The following PIK3R3 variants were observed in gnomAD, a reference collection of about 807,000 sequenced individuals.
PIK3R3 encodes phosphatidylinositol 3-kinase regulatory subunit gamma.
In PIK3R3, 64 loss-of-function variants were observed where a neutral mutation model predicts 62.9. The ratio of observed to expected loss-of-function variants is 1.02; its 90% CI spans 0.83 to 1.25. The LOEUF (loss-of-function observed/expected upper bound fraction) is 1.25, where lower values mean the gene tolerates loss of function less well. Ranked by LOEUF, PIK3R3 falls within the 50% of genes most tolerant of loss-of-function variation. The probability of loss-of-function intolerance (pLI) is 0.00; values close to 1 mark genes in which losing one functional copy is unlikely to be tolerated. For missense variants in PIK3R3, 614 were observed against 561.6 expected (o/e 1.09, Z -0.94); for synonymous variants, 165 against 189.0 (o/e 0.87, Z 1.04).
At chr1:46,165,269 C>A in the PIK3R3 span, among the ~76,000 whole-genome samples, 1 of 151,776 alleles carries the variant, frequency 6.6e-6, no homozygotes, top group African/African-American at 2.4e-5. Flanking sequence ...CTTAACTCAA[C>A]CCTCACAACA....
At chr1:46,152,655 T>C in the PIK3R3 span, among the ~76,000 whole-genome samples, 2 of 149,102 alleles carry the variant, frequency 1.3e-5, no homozygotes, top group African/African-American at 5.0e-5. Context: ...CTCCGCCTCC[T>C]GGGATCACGC....
At chr1:46,095,941 T>C (rs1301416555) in intron 1 of PIK3R3, among the ~76,000 whole-genome samples, 4 of 152,184 alleles carry the variant, frequency 2.6e-5, no homozygotes, top group Non-Finnish European at 5.9e-5. Flanking sequence ...TAGCAATGAA[T>C]TATATGTATA....
At chr1:46,157,488 C>T in the PIK3R3 span, among the ~76,000 whole-genome samples, 4 of 152,208 alleles carry the variant, frequency 2.6e-5, no homozygotes, top group South Asian at 8.3e-4. Flanking sequence ...TCCAGAGTTC[C>T]CCAAATTATC....
chr1:46,152,980 T>C, the PIK3R3 span, among the ~76,000 whole-genome samples: 1 of 152,194 alleles, frequency 6.6e-6, no homozygotes, highest in Non-Finnish European at 1.5e-5. Flanking sequence ...TTCAATTTTA[T>C]GTGTGTTTAT....
chr1:46,103,972 C>G (rs1367994780), intron 1 of PIK3R3, among the ~76,000 whole-genome samples: 1 of 151,884 alleles, frequency 6.6e-6, no homozygotes, highest in East Asian at 1.9e-4. Flanking sequence ...TTTGCCCAAG[C>G]TGGGGTGAAG....
At chr1:46,136,581 A>G (rs1374313369), upstream of PIK3R3, among the ~76,000 whole-genome samples, 1 of 152,188 alleles carries the variant, frequency 6.6e-6, no homozygotes, top group Non-Finnish European at 1.5e-5. Context: ...AAATTATGAC[A>G]TTATATGAAT....
intron 1 of PIK3R3, among the ~76,000 whole-genome samples, chr1:46,083,870 ACCT>A (rs2149418440): frequency 6.6e-6 from 1 of 152,174 alleles, no homozygotes; most frequent in East Asian, 1.9e-4. Flanking sequence ...AAACAGTCTA[ACCT>A]CCTCAAAAGG....
intron 7 of PIK3R3, among the ~76,000 whole-genome samples, chr1:46,052,918 A>G (rs1647495228): frequency 6.6e-6 from 1 of 152,158 alleles, no homozygotes; most frequent in Non-Finnish European, 1.5e-5. Context: ...ACAGAATTCC[A>G]CCCTATTCCT....
chr1:46,119,243 T>C (rs1307838562), intron 1 of PIK3R3, among the ~76,000 whole-genome samples: 1 of 152,240 alleles, frequency 6.6e-6, no homozygotes, highest in African/African-American at 2.4e-5. Flanking sequence ...ACACTTAGAA[T>C]AGTGCCTGGC....
chr1:46,119,028 T>C (rs923291069), intron 1 of PIK3R3, among the ~76,000 whole-genome samples: 3 of 152,156 alleles, frequency 2.0e-5, no homozygotes, highest in African/African-American at 7.2e-5. Flanking sequence ...TGCTCTCCCA[T>C]TGCTTTAGGT....
intron 6 of PIK3R3, among the ~76,000 whole-genome samples, chr1:46,058,206 G>C (rs1648122054): frequency 1.3e-5 from 2 of 152,254 alleles, no homozygotes; most frequent in Non-Finnish European, 2.9e-5. Flanking sequence ...CAGAAGTCAA[G>C]AATTGGGAAC....
Position 46,061,920 on chromosome 1 carries a change from T to C in PIK3R3, c.764+9A>G, listed in dbSNP as rs763601008. ...CACTGATGCCCTTGGAGGTACTAAG[T>C]AGACTTACCGTTCAATCTCCTTTTC... On this transcript the variant is annotated intron_variant, in intron 6 of 9. Transcript: ENST00000262741. 4 of 1,611,102 alleles carry C rather than the reference T, an allele frequency of 2.5e-6. No individual in the cohort carries two copies. The highest frequency in any genetic ancestry group is 1.3e-5 in the African/African-American group (1 of 74,860).
chr1:46,150,638 T>C, the PIK3R3 span, among the ~76,000 whole-genome samples: 1 of 152,188 alleles, frequency 6.6e-6, no homozygotes, highest in Admixed American at 6.5e-5. Context: ...TTTTTGAATT[T>C]TGGGGAATCC....
At chr1:46,099,548 TA>T (rs1478588854) in intron 1 of PIK3R3, among the ~76,000 whole-genome samples, 4 of 152,222 alleles carry the variant, frequency 2.6e-5, no homozygotes, top group Non-Finnish European at 2.9e-5. Context: ...CATTCTGCAT[TA>T]CATCTTTAGA....
chr1:46,118,539 C>G (rs2149464332), intron 1 of PIK3R3, among the ~76,000 whole-genome samples: 1 of 151,688 alleles, frequency 6.6e-6, no homozygotes, highest in South Asian at 2.1e-4. Flanking sequence ...CCCCACCACC[C>G]ATACCATTAC....
chr1:46,127,858 T>C (rs1474576172), intron 1 of PIK3R3, among the ~76,000 whole-genome samples: 2 of 152,160 alleles, frequency 1.3e-5, no homozygotes, highest in Non-Finnish European at 2.9e-5. Flanking sequence ...CCACCACACC[T>C]AGCCAAAAAT....
chr1:46,094,104 T>C (rs992488069), intron 1 of PIK3R3, among the ~76,000 whole-genome samples: 2 of 150,128 alleles, frequency 1.3e-5, no homozygotes, highest in Non-Finnish European at 3.0e-5. Flanking sequence ...AACGATGTTA[T>C]CAAAGACACA....
At chr1:46,065,637 T>C (rs1648916129) in intron 5 of PIK3R3, among the ~76,000 whole-genome samples, 1 of 152,222 alleles carries the variant, frequency 6.6e-6, no homozygotes, top group Non-Finnish European at 1.5e-5. Flanking sequence ...AGAACCTTCC[T>C]TTCTCCTTCC....
At chr1:46,155,744 G>C in the PIK3R3 span, among the ~76,000 whole-genome samples, 1 of 152,176 alleles carries the variant, frequency 6.6e-6, no homozygotes, top group Non-Finnish European at 1.5e-5. Context: ...TTACAGGTGT[G>C]AGCCACCATG....
Sources: allele counts gnomAD v4.1 joint callset (sites outside exome capture counted in the v4.1 genomes callset), GRCh38; gene constraint gnomAD v4.1.1; transcripts MANE v1.5; gene names NCBI Gene and HGNC (gene_info 2026-07-23, HGNC 2026-07-21).